Variants in RIMS2 observed in about 807,000 individuals in gnomAD.
RIMS2 encodes the protein regulating synaptic membrane exocytosis 2.
A neutral mutation model predicts 174.4 loss-of-function variants in RIMS2; 59 were observed. The observed-to-expected ratio is 0.34, with a 90% CI of 0.27 to 0.42. RIMS2 has a LOEUF of 0.42. Among genes scored for constraint, RIMS2 ranks in the 10% least tolerant of loss-of-function variants. The pLI is 1.00. For missense variants in RIMS2, 1,620 were observed against 1,666.3 expected, an observed-to-expected ratio of 0.97 and a Z score of 0.48; for synonymous variants, 606 against 572.5, an observed-to-expected ratio of 1.06 and a Z score of -0.84.
intron 4 of RIMS2, among the ~76,000 whole-genome samples, chr8:103,891,181 A>G (rs2099242974): frequency 6.6e-6 from 1 of 152,088 alleles, no homozygotes; most frequent in Admixed American, 6.6e-5. Context: ...AGAGTAGACT[A>G]GAATAGAGTA....
chr8:103,553,260 G>C (rs1054726350), intron 1 of RIMS2, among the ~76,000 whole-genome samples: 2 of 152,164 alleles, frequency 1.3e-5, no homozygotes, highest in African/African-American at 4.8e-5. Flanking sequence ...GGAATACTGT[G>C]CAGCCATTAA....
intron 12 of RIMS2, among the ~76,000 whole-genome samples, chr8:103,933,641 G>A (rs764186238): frequency 7.9e-5 from 12 of 152,066 alleles, no homozygotes; most frequent in Non-Finnish European, 1.3e-4. Context: ...TGAGTTCCTT[G>A]TTATTTATCA....
intron 1 of RIMS2, among the ~76,000 whole-genome samples, chr8:103,537,145 T>C (rs1027696975): frequency 6.6e-6 from 1 of 152,190 alleles, no homozygotes; most frequent in African/African-American, 2.4e-5. Flanking sequence ...TTATTTTGCG[T>C]GTGTGTGAGG....
At chr8:104,203,144 A>G (rs2099063008) in intron 19 of RIMS2, among the ~76,000 whole-genome samples, 1 of 152,176 alleles carries the variant, frequency 6.6e-6, no homozygotes, top group Non-Finnish European at 1.5e-5. Context: ...AAACATGAAA[A>G]CATTTATAGT....
At chr8:104,201,370 A>C (rs933615569) in intron 19 of RIMS2, among the ~76,000 whole-genome samples, 49 of 152,216 alleles carry the variant, frequency 3.2e-4, no homozygotes, top group Middle Eastern at 3.2e-3. Context: ...GAACCATCAA[A>C]AAATTCTAAA....
intron 19 of RIMS2, among the ~76,000 whole-genome samples, chr8:104,101,460 A>G (rs964581444): frequency 5.9e-5 from 9 of 152,136 alleles, no homozygotes; most frequent in Non-Finnish European, 1.3e-4. Context: ...ACTATATTAG[A>G]CATAATAATT....
At chr8:104,028,901 A>G (rs1175506191) in intron 19 of RIMS2, among the ~76,000 whole-genome samples, 1 of 152,236 alleles carries the variant, frequency 6.6e-6, no homozygotes, top group African/African-American at 2.4e-5. Flanking sequence ...TTAAGAAAGT[A>G]AAAGAATAGA....
intron 11 of RIMS2, among the ~76,000 whole-genome samples, chr8:103,928,753 A>G (rs1451453535): frequency 6.6e-6 from 1 of 151,378 alleles, no homozygotes; most frequent in African/African-American, 2.4e-5. Flanking sequence ...GTTACATGCT[A>G]AAGCCAGAAT....
At chr8:103,895,083 T>C (rs989534946) in intron 4 of RIMS2, among the ~76,000 whole-genome samples, 3 of 151,634 alleles carry the variant, frequency 2.0e-5, no homozygotes, top group Non-Finnish European at 4.4e-5. Context: ...TAAATTACTT[T>C]GCTTCACTTT....
exon 4 of RIMS2, chr8:103,885,683 G>C: frequency 3.7e-6 from 6 of 1,613,084 alleles, no homozygotes; most frequent in Non-Finnish European, 5.1e-6. Context: ...AGTGTCCCGA[G>C]CACGGCATGA....
rs78725627 is a variant in RIMS2, at chr8:104,220,507, C to A, written c.3335-24409C>A. Among the ~76,000 whole-genome samples, 18 of 152,282 alleles carry A rather than the reference C, an allele frequency of 1.2e-4. No individual in the cohort carries two copies. The East Asian group carries it at 3.5e-3, about 29-fold the overall frequency. The stretch of plus-strand genomic sequence containing the variant: ...AGTCACTTGCAGAAACCCAAGAAAT[C>A]TTTTTCCAAAATGACTTTCAGCCAG... On this transcript the variant is annotated intron_variant, in intron 19 of 23. Coordinates refer to ENST00000504942, the Ensembl canonical transcript of RIMS2.
chr8:103,532,207 C>T (rs1837506132), intron 1 of RIMS2, among the ~76,000 whole-genome samples: 1 of 152,186 alleles, frequency 6.6e-6, no homozygotes, highest in Non-Finnish European at 1.5e-5. Flanking sequence ...ACCTACTTCC[C>T]ACTTATTACA....
intron 19 of RIMS2, among the ~76,000 whole-genome samples, chr8:104,026,135 A>C: frequency 6.6e-6 from 1 of 152,204 alleles, no homozygotes; most frequent in African/African-American, 2.4e-5. Context: ...TAATCAAATG[A>C]CTTGCATAAG....
chr8:103,732,480 TCTACAATCAGCAGG>T (rs2097614419), intron 2 of RIMS2, among the ~76,000 whole-genome samples: 1 of 152,164 alleles, frequency 6.6e-6, no homozygotes, highest in African/African-American at 2.4e-5. Context: ...GCTTAAGGGC[TCTACAATCAGCAGG>T]TGATTAAAGC....
At chr8:103,697,545 C>T (rs2097119221) in intron 2 of RIMS2, among the ~76,000 whole-genome samples, 1 of 109,458 alleles carries the variant, frequency 9.1e-6, no homozygotes, top group Non-Finnish European at 1.9e-5. Flanking sequence ...CCTGTCTCTA[C>T]GAAAAAAAAA....
chr8:103,909,114 T>G (rs527693396), intron 4 of RIMS2, among the ~76,000 whole-genome samples: 1 of 152,286 alleles, frequency 6.6e-6, no homozygotes, highest in South Asian at 2.1e-4. Flanking sequence ...TTTCGTAGTG[T>G]CTTGTATTTT....
intron 19 of RIMS2, among the ~76,000 whole-genome samples, chr8:104,127,344 G>A (rs1039506924): frequency 1.1e-4 from 17 of 152,154 alleles, no homozygotes; most frequent in African/African-American, 3.9e-4. Context: ...CAAAACCATT[G>A]ATTCAGCAAA....
intron 17 of RIMS2, among the ~76,000 whole-genome samples, chr8:103,992,613 T>C (rs1261660210): frequency 6.6e-6 from 1 of 152,150 alleles, no homozygotes; most frequent in Non-Finnish European, 1.5e-5. Flanking sequence ...ACTTGGGTGG[T>C]GTAAGGAGAA....
At chr8:103,617,488 A>T (rs775760362) in intron 1 of RIMS2, among the ~76,000 whole-genome samples, 1 of 152,224 alleles carries the variant, frequency 6.6e-6, no homozygotes, top group Non-Finnish European at 1.5e-5. Context: ...AAGCAATCTC[A>T]ACAAAAGCAG....
Sources: allele counts gnomAD v4.1 joint callset (sites outside exome capture counted in the v4.1 genomes callset), GRCh38; gene constraint gnomAD v4.1.1; transcripts MANE v1.5; gene names NCBI Gene and HGNC (gene_info 2026-07-23, HGNC 2026-07-21).